The following KAZN variants were observed in gnomAD, a reference collection of about 807,000 sequenced individuals.
KAZN encodes kazrin.
Under a neutral mutation model 87.4 loss-of-function variants are expected in KAZN, and 40 were observed. The ratio of observed to expected loss-of-function variants is 0.46; its 90% CI spans 0.36 to 0.60. The LOEUF is 0.60. Ranked by LOEUF, KAZN falls within the 20% of genes least tolerant of loss-of-function variation. KAZN has a pLI of 0.00. For missense variants in KAZN, 898 were observed against 1,073.9 expected (o/e 0.84, Z 2.29); for synonymous variants, 466 against 458.3 (o/e 1.02, Z -0.22).
chr1:14,082,021 C>T (rs1241798844), intron 1 of KAZN, among the ~76,000 whole-genome samples: 10 of 152,066 alleles, frequency 6.6e-5, no homozygotes, highest in African/African-American at 2.4e-4. Context: ...GTGATCCTCC[C>T]GTCTCTGCCT....
intron 1 of KAZN, among the ~76,000 whole-genome samples, chr1:14,121,303 A>T (rs1486746445): frequency 6.6e-6 from 1 of 152,224 alleles, no homozygotes; most frequent in African/African-American, 2.4e-5. Context: ...ACTCATCACT[A>T]CGGTGAATGA....
At chr1:14,713,573 G>A (rs1384004152) in intron 1 of KAZN, among the ~76,000 whole-genome samples, 2 of 151,954 alleles carry the variant, frequency 1.3e-5, no homozygotes, top group Non-Finnish European at 2.9e-5. Flanking sequence ...TAGAGGCCAC[G>A]GTTGCTGCTA....
chr1:14,999,888 T>C (rs1386192465), intron 2 of KAZN, among the ~76,000 whole-genome samples: 1 of 152,180 alleles, frequency 6.6e-6, no homozygotes. Context: ...TCCCGCCTGC[T>C]GGTCTTGACC....
intron 2 of KAZN, among the ~76,000 whole-genome samples, chr1:14,423,090 G>A (rs549300137): frequency 1.3e-5 from 2 of 152,292 alleles, no homozygotes; most frequent in African/African-American, 2.4e-5. Flanking sequence ...TGGAAGATCC[G>A]AAGGCCCTGT....
At chr1:14,693,728 C>A (rs1200735860) in intron 1 of KAZN, among the ~76,000 whole-genome samples, 1 of 152,080 alleles carries the variant, frequency 6.6e-6, no homozygotes, top group East Asian at 1.9e-4. Flanking sequence ...TCAGAGGCAC[C>A]CGTTTTTCTT....
intron 1 of KAZN, among the ~76,000 whole-genome samples, chr1:14,144,960 G>A (rs1040488520): frequency 6.6e-6 from 1 of 152,162 alleles, no homozygotes; most frequent in Non-Finnish European, 1.5e-5. Flanking sequence ...CCACATTGGG[G>A]ATCAAATTTC....
At chr1:13,927,415 C>A (rs575369420) in intron 1 of KAZN, among the ~76,000 whole-genome samples, 1 of 152,232 alleles carries the variant, frequency 6.6e-6, no homozygotes, top group South Asian at 2.1e-4. Context: ...AGGGTTTGAG[C>A]AGGAGGAAGT....
chr1:14,551,838 T>C (rs369886212), intron 2 of KAZN, among the ~76,000 whole-genome samples: 69 of 152,170 alleles, frequency 4.5e-4, no homozygotes, highest in African/African-American at 1.6e-3. Flanking sequence ...ACAGGGGAAT[T>C]AGGAAAAGAA....
At chr1:14,275,830 C>G (rs537348333) in intron 2 of KAZN, among the ~76,000 whole-genome samples, 175 of 152,252 alleles carry the variant, frequency 1.1e-3, no homozygotes, top group African/African-American at 4.1e-3. Context: ...TTTTTTACAA[C>G]ACAGTAAACA....
intron 2 of KAZN, among the ~76,000 whole-genome samples, chr1:14,509,989 C>T (rs1181016851): frequency 1.4e-5 from 2 of 146,866 alleles, no homozygotes; most frequent in East Asian, 4.1e-4. Context: ...GTATTGAAGG[C>T]CAGTGTTGCT....
At chr1:14,960,501 G>A (rs1663712656) in intron 1 of KAZN, among the ~76,000 whole-genome samples, 183 bp from the exon 2 acceptor site, 1 of 152,186 alleles carries the variant, frequency 6.6e-6, no homozygotes, top group Admixed American at 6.5e-5. Flanking sequence ...CAGACTGTGG[G>A]TGGGGCCTAG....
intron 1 of KAZN, among the ~76,000 whole-genome samples, chr1:13,964,969 G>A (rs1476720656): frequency 1.3e-5 from 2 of 152,110 alleles, no homozygotes; most frequent in Non-Finnish European, 2.9e-5. Flanking sequence ...AGATAAGAGG[G>A]TGCCAGGTGG....
intron 1 of KAZN, among the ~76,000 whole-genome samples, chr1:14,898,822 T>C (rs1050188443): frequency 2.6e-5 from 4 of 152,212 alleles, no homozygotes; most frequent in Non-Finnish European, 1.5e-5. Context: ...TAGCACACTC[T>C]GTAGCTACTG....
rs186961468 is a variant in KAZN, at chr1:13,983,282, G to A, written c.91+89526G>A. 8.2e-3 allele frequency among the ~76,000 whole-genome samples: 1,248 copies of A among 152,346 alleles called. 88 individuals carry two copies. In the East Asian group the frequency reaches 0.15, roughly 18 times the overall value. ...AGGGGTTGGGAGGCTCAGGCATGGC[G>A]GGCTGCAGGTCCCGAGCCCTGCCCC... On this transcript the variant is annotated intron_variant, in intron 1 of 16. Coordinates refer to the KAZN transcript ENST00000636203.
At chr1:14,515,120 C>T (rs1671234702) in intron 2 of KAZN, among the ~76,000 whole-genome samples, 1 of 152,076 alleles carries the variant, frequency 6.6e-6, no homozygotes, top group Non-Finnish European at 1.5e-5. Context: ...TCCCTAAATC[C>T]ACCTGACACT....
At chr1:14,288,632 C>T (rs1653442779) in intron 2 of KAZN, among the ~76,000 whole-genome samples, 2 of 152,148 alleles carry the variant, frequency 1.3e-5, no homozygotes, top group African/African-American at 4.8e-5. Context: ...AAAACCAGCT[C>T]CTGGATACAT....
At chr1:14,425,279 C>G (rs2101343592) in intron 2 of KAZN, among the ~76,000 whole-genome samples, 1 of 152,302 alleles carries the variant, frequency 6.6e-6, no homozygotes, top group East Asian at 1.9e-4. Flanking sequence ...CCTCAGGAAG[C>G]TCCTGCCATA....
intron 1 of KAZN, among the ~76,000 whole-genome samples, chr1:14,953,957 A>AG (rs1158282427): frequency 6.6e-6 from 1 of 152,184 alleles, no homozygotes; most frequent in African/African-American, 2.4e-5. Context: ...TAGCATTTTT[A>AG]GAAAGTGGGA....
chr1:14,878,112 C>T (rs541380097), intron 1 of KAZN, among the ~76,000 whole-genome samples: 3 of 152,258 alleles, frequency 2.0e-5, no homozygotes, highest in East Asian at 3.9e-4. Flanking sequence ...ACAGAGGGCA[C>T]ATCACTTCCT....
Sources: gnomAD v4.1 joint callset for allele counts (sites outside exome capture counted in the v4.1 genomes callset) on GRCh38, gnomAD v4.1.1 for gene constraint, MANE v1.5 for transcripts, NCBI Gene and HGNC (gene_info 2026-07-23, HGNC 2026-07-21) for gene names.